Variants in GNAO1 observed in about 807,000 individuals in gnomAD.
GNAO1 encodes the protein guanine nucleotide-binding protein G(o) subunit alpha.
For synonymous variants in GNAO1, 164 were observed against 180.7 expected, an observed-to-expected ratio of 0.91 and a Z score of 0.74; for missense variants, 166 against 478.7, an observed-to-expected ratio of 0.35 and a Z score of 6.10.
In GNAO1 at chr16:56,326,792, G is replaced by A. The variant is rs2037636509; in HGVS notation, c.304-1839G>A. 6.6e-6 allele frequency among the ~76,000 whole-genome samples: 1 copy of A among 152,246 alleles called. No individual in the cohort carries two copies. The highest frequency in any genetic ancestry group is 2.1e-4 in the South Asian group (1 of 4,834). On this transcript the variant is annotated intron_variant, in intron 3 of 8. Coordinates refer to ENST00000262493, the MANE Select transcript of GNAO1 (RefSeq NM_020988.3). This position sits in a 1 kb window ranked among gnomAD's most constrained non-coding sequence, Gnocchi z 4.8. ...GGCGGCCCGGGGCAGCACCTGCTCT[G>A]CTCTCACCTACTCTGCGTTGGACAT...
At chr16:56,198,461 A>G (rs2036253183) in intron 2 of GNAO1, among the ~76,000 whole-genome samples, 1 of 152,236 alleles carries the variant, frequency 6.6e-6, no homozygotes, top group African/African-American at 2.4e-5. Flanking sequence ...GAAGCAGTTT[A>G]GCATGCTTCT....
chr16:56,304,466 C>T (rs1228035165), intron 3 of GNAO1, among the ~76,000 whole-genome samples: 1 of 152,190 alleles, frequency 6.6e-6, no homozygotes, highest in African/African-American at 2.4e-5. Flanking sequence ...CTTAACATAA[C>T]ACTTTAACAT....
intron 6 of GNAO1, chr16:56,345,151 C>T (rs1156669057): frequency 1.2e-5 from 12 of 985,654 alleles, no homozygotes; most frequent in Middle Eastern, 1.0e-3. Flanking sequence ...TAGCTTCTCC[C>T]GGTGACGGTG....
At chr16:56,204,690 C>T (rs1197716210) in intron 2 of GNAO1, among the ~76,000 whole-genome samples, 2 of 152,096 alleles carry the variant, frequency 1.3e-5, no homozygotes, top group Non-Finnish European at 2.9e-5. Flanking sequence ...GAAGCTATTG[C>T]GGGCTTTTAA....
chr16:56,331,083 G>A (rs1398205722), intron 4 of GNAO1, among the ~76,000 whole-genome samples: 1 of 152,228 alleles, frequency 6.6e-6, no homozygotes, highest in Non-Finnish European at 1.5e-5. Context: ...TGCTGGAAAG[G>A]AGAGGGAGGA....
chr16:56,347,336 G>T (rs2037879720), intron 6 of GNAO1: 1 of 985,426 alleles, frequency 1.0e-6, no homozygotes, highest in Admixed American at 6.1e-5. Flanking sequence ...CCCCCAGGCA[G>T]TTCCTGCTGT....
chr16:56,277,098 A>G (rs555457486), intron 3 of GNAO1: 1 of 152,394 alleles, frequency 6.6e-6, no homozygotes, highest in African/African-American at 2.4e-5. Flanking sequence ...TATGTAATGC[A>G]CAAAATCCTA....
At chr16:56,274,676 A>G (rs1184357465) in intron 2 of GNAO1, among the ~76,000 whole-genome samples, 1 of 152,258 alleles carries the variant, frequency 6.6e-6, no homozygotes, top group Non-Finnish European at 1.5e-5. Context: ...AAGACCATAC[A>G]TTGTATGGTT....
At chr16:56,294,359 A>AT (rs2143567441) in intron 3 of GNAO1, among the ~76,000 whole-genome samples, 1 of 151,652 alleles carries the variant, frequency 6.6e-6, no homozygotes, top group East Asian at 1.9e-4. Context: ...AAAAAAAAAA[A>AT]AAGTGGACTG....
chr16:56,332,958 G>A (rs931072), intron 4 of GNAO1, among the ~76,000 whole-genome samples: 116,790 of 152,162 alleles, frequency 0.77, 44,881 homozygotes, highest in East Asian at 0.85. Context: ...CTGCCCAGAT[G>A]CCACTGGCTG....
At chr16:56,205,428 G>A (rs749192528) in intron 2 of GNAO1, among the ~76,000 whole-genome samples, 33 of 152,210 alleles carry the variant, frequency 2.2e-4, no homozygotes, top group Non-Finnish European at 4.3e-4. Context: ...GTGGGCAAGG[G>A]CAGGAGAGGC....
intron 3 of GNAO1, among the ~76,000 whole-genome samples, chr16:56,323,508 C>T (rs578049301): frequency 6.6e-6 from 1 of 152,148 alleles, no homozygotes; most frequent in Admixed American, 6.5e-5. Context: ...GAGCTCCAGC[C>T]ATCACATCCA....
chr16:56,254,808 C>G (rs1418339886), intron 2 of GNAO1, among the ~76,000 whole-genome samples: 2 of 152,074 alleles, frequency 1.3e-5, no homozygotes, highest in African/African-American at 4.8e-5. Flanking sequence ...TCTATGTTCC[C>G]ATAGAGAACA....
At chr16:56,314,107 G>T (rs774617257) in intron 3 of GNAO1, among the ~76,000 whole-genome samples, 28 of 152,166 alleles carry the variant, frequency 1.8e-4, no homozygotes, top group Non-Finnish European at 3.4e-4. Flanking sequence ...ACACATTTCA[G>T]CATATTATAT....
intron 2 of GNAO1, among the ~76,000 whole-genome samples, chr16:56,243,868 A>G (rs1274526448): frequency 6.6e-6 from 1 of 152,212 alleles, no homozygotes; most frequent in Non-Finnish European, 1.5e-5. Context: ...TAAGCATTTT[A>G]CGTGCATTAA....
intron 3 of GNAO1, chr16:56,307,716 C>T (rs1300361757): frequency 6.6e-6 from 1 of 152,284 alleles, no homozygotes. Context: ...CTGCTTCCCA[C>T]TTGACATTTC....
chr16:56,355,488 GCT>G (rs1460278906), intron 8 of GNAO1: 2 of 152,424 alleles, frequency 1.3e-5, no homozygotes, highest in South Asian at 4.1e-4. Context: ...GGCCCAGCCA[GCT>G]CTCTGTGTTG....
intron 6 of GNAO1, among the ~76,000 whole-genome samples, chr16:56,337,104 C>T (rs2037747902): frequency 6.6e-6 from 1 of 152,230 alleles, no homozygotes; most frequent in Admixed American, 6.5e-5. Flanking sequence ...CACACAGAGC[C>T]GTGCAGAATG....
intron 3 of GNAO1, among the ~76,000 whole-genome samples, chr16:56,284,733 G>C (rs1469194998): frequency 6.6e-6 from 1 of 152,206 alleles, no homozygotes; most frequent in African/African-American, 2.4e-5. Flanking sequence ...AGTGCTAGCA[G>C]GGGTCAGTGA....
Sources: allele counts gnomAD v4.1 joint callset (sites outside exome capture counted in the v4.1 genomes callset), GRCh38; gene constraint gnomAD v4.1.1; non-coding constraint Gnocchi (gnomAD v3.1); transcripts MANE v1.5; gene names NCBI Gene and HGNC (gene_info 2026-07-23, HGNC 2026-07-21).